ZBTB20: variants seen among roughly 807,000 people sequenced by gnomAD.
ZBTB20 encodes zinc finger and BTB domain-containing protein 20.
ZBTB20 carries 9 observed loss-of-function variants against 56.9 expected under a neutral mutation model. That is an observed-to-expected ratio of 0.16 (90% CI 0.10 to 0.28). The LOEUF (loss-of-function observed/expected upper bound fraction) is 0.28, where lower values mean the gene tolerates loss of function less well. ZBTB20 is among the 10% of genes least tolerant of loss of function. The pLI is 1.00. For missense variants in ZBTB20, 655 were observed against 1,003.0 expected (o/e 0.65, Z 4.69); for synonymous variants, 417 against 420.7 (o/e 0.99, Z 0.11).
At chr3:115,069,068 C>T (rs1472131701) in intron 2 of ZBTB20, among the ~76,000 whole-genome samples, 1 of 151,994 alleles carries the variant, frequency 6.6e-6, no homozygotes, top group Non-Finnish European at 1.5e-5. Flanking sequence ...TGAAATTACA[C>T]AAAAATATGT....
At chr3:114,358,002 GCTAA>G (rs1410964868) in intron 10 of ZBTB20, among the ~76,000 whole-genome samples, 1 of 152,166 alleles carries the variant, frequency 6.6e-6, no homozygotes, top group East Asian at 1.9e-4. Flanking sequence ...AACTGTTGAA[GCTAA>G]CTATTATTTA....
At position 114,869,013 on chromosome 3, in the gene ZBTB20, A is replaced by T. The variant is rs371832158; in HGVS notation, c.-417+31291T>A. On this transcript the variant is annotated intron_variant, in intron 4 of 11. Coordinates refer to ENST00000675478, the MANE Select transcript of ZBTB20 (RefSeq NM_001348800.3). ...ATAAAGACCTTATGAATCTTCCTTC[A>T]ATGTGAAGCTAAGCTATTTCTGAGG... 3.5e-4 allele frequency among the ~76,000 whole-genome samples: 53 copies of T among 152,204 alleles called. No homozygotes were observed. The Middle Eastern group carries it at 0.017, about 49-fold the overall frequency.
chr3:114,343,171 C>CTTTTTTCTA (rs2079922009), intron 11 of ZBTB20, among the ~76,000 whole-genome samples: 1 of 151,818 alleles, frequency 6.6e-6, no homozygotes, highest in Admixed American at 6.6e-5. Flanking sequence ...AAGAAAGATC[C>CTTTTTTCTA]TGCTTAGGTT....
intron 5 of ZBTB20, among the ~76,000 whole-genome samples, chr3:114,790,822 T>C: frequency 6.6e-6 from 1 of 151,958 alleles, no homozygotes; most frequent in East Asian, 1.9e-4. Context: ...GAATTTATAG[T>C]AACAAATGCT....
At chr3:114,909,166 G>C (rs547554122) in intron 3 of ZBTB20, among the ~76,000 whole-genome samples, 1 of 152,028 alleles carries the variant, frequency 6.6e-6, no homozygotes, top group African/African-American at 2.4e-5. Context: ...AGACCTTCCA[G>C]TGGGACAAGA....
intron 3 of ZBTB20, among the ~76,000 whole-genome samples, chr3:114,931,923 C>CA (rs2076375404): frequency 1.3e-5 from 2 of 152,048 alleles, no homozygotes; most frequent in South Asian, 4.1e-4. Flanking sequence ...CCATATAATA[C>CA]AAAAAAGAAG....
At chr3:114,449,345 A>C (rs150340272) in intron 7 of ZBTB20, among the ~76,000 whole-genome samples, 1 of 152,168 alleles carries the variant, frequency 6.6e-6, no homozygotes, top group Non-Finnish European at 1.5e-5. Context: ...CCTGAAAAAC[A>C]AGATTATCTC....
chr3:114,890,436 G>A (rs1237650522), intron 4 of ZBTB20, among the ~76,000 whole-genome samples: 1 of 152,120 alleles, frequency 6.6e-6, no homozygotes. Flanking sequence ...CGGATAGGAT[G>A]GTCTGAGTAG....
chr3:114,540,159 C>T (rs189060069), intron 6 of ZBTB20, among the ~76,000 whole-genome samples: 8 of 152,010 alleles, frequency 5.3e-5, no homozygotes, highest in Non-Finnish European at 8.8e-5. Flanking sequence ...TGAGAACATG[C>T]GGTATTTGGT....
intron 2 of ZBTB20, among the ~76,000 whole-genome samples, chr3:115,015,134 C>G (rs1344982085): frequency 6.6e-6 from 1 of 151,654 alleles, no homozygotes; most frequent in East Asian, 1.9e-4. Flanking sequence ...CATTGCTTAT[C>G]ATTTTAATGT....
rs1450648801 is a variant in ZBTB20 at position 114,323,321 on chromosome 3, T to G, written c.*15684A>C. 6.6e-6 allele frequency: 1 copy of G among 152,272 alleles called. No individual in the cohort carries two copies. The highest frequency in any genetic ancestry group is 1.5e-5 in the Non-Finnish European group (1 of 68,066). 9.4% of individuals were successfully genotyped at this position (152,272 alleles called of 1,614,324 possible). A position where few individuals can be genotyped will look rare whatever the true frequency, so the allele number is the denominator to read the frequency against. ...CCATCCTCCAATGTCCAAGTTGGCC[T>G]AGCTTGTTTCAAAATAAACCTTTCA... On this transcript the variant is annotated 3_prime_UTR_variant, in exon 12 of 12. Transcript: ENST00000675478.
intron 2 of ZBTB20, among the ~76,000 whole-genome samples, chr3:115,034,330 A>T (rs978850336): frequency 1.3e-5 from 2 of 151,758 alleles, no homozygotes; most frequent in Non-Finnish European, 3.0e-5. Flanking sequence ...TGTAAAAAAC[A>T]TATTCCACAA....
intron 3 of ZBTB20, among the ~76,000 whole-genome samples, 161 bp downstream of exon 3, chr3:114,974,205 T>G (rs2078006685): frequency 6.6e-6 from 1 of 152,062 alleles, no homozygotes; most frequent in Non-Finnish European, 1.5e-5. Context: ...TTTCATATTA[T>G]TTTTAGGTAT....
chr3:114,476,388 T>TA (rs554106868), intron 7 of ZBTB20, among the ~76,000 whole-genome samples: 68 of 152,318 alleles, frequency 4.5e-4, no homozygotes, highest in African/African-American at 1.6e-3. Context: ...AACAAAAAGG[T>TA]AAAAAAGCAT....
intron 5 of ZBTB20, among the ~76,000 whole-genome samples, chr3:114,703,311 T>C (rs755525129): frequency 8.5e-5 from 13 of 152,162 alleles, no homozygotes; most frequent in Non-Finnish European, 1.8e-4. Flanking sequence ...AATGGTAGAC[T>C]AATGACAGAA....
intron 7 of ZBTB20, among the ~76,000 whole-genome samples, chr3:114,422,322 T>C (rs1036482537): frequency 6.6e-5 from 10 of 152,178 alleles, no homozygotes; most frequent in Non-Finnish European, 1.3e-4. Context: ...TTGCTGCCAC[T>C]TCTCTTGTGT....
intron 7 of ZBTB20, among the ~76,000 whole-genome samples, chr3:114,466,926 G>C (rs73241542): frequency 0.018 from 2,753 of 152,330 alleles, 30 homozygotes; most frequent in Middle Eastern, 0.027. Context: ...TCAGTGACTT[G>C]AGGAATATCA....
At chr3:114,409,769 C>A (rs755427138) in intron 7 of ZBTB20, among the ~76,000 whole-genome samples, 5 of 151,976 alleles carry the variant, frequency 3.3e-5, no homozygotes, top group South Asian at 4.1e-4. Context: ...TGAAGATGTG[C>A]CTCAGAAAGA....
At chr3:114,456,918 G>T (rs915457188) in intron 7 of ZBTB20, among the ~76,000 whole-genome samples, 1 of 152,242 alleles carries the variant, frequency 6.6e-6, no homozygotes, top group African/African-American at 2.4e-5. Flanking sequence ...TCAGGCACGT[G>T]GGAGCCCACT....
Sources: gnomAD v4.1 joint callset for allele counts (sites outside exome capture counted in the v4.1 genomes callset) on GRCh38, gnomAD v4.1.1 for gene constraint, MANE v1.5 for transcripts, NCBI Gene and HGNC (gene_info 2026-07-23, HGNC 2026-07-21) for gene names.